Variants in STIP1 observed in about 807,000 individuals in gnomAD.
The protein encoded by STIP1 is stress induced phosphoprotein 1.
A neutral mutation model predicts 77.4 loss-of-function variants in STIP1; 16 were observed. The ratio of observed to expected loss-of-function variants is 0.21; its 90% CI spans 0.14 to 0.31. The LOEUF is 0.31. Among genes scored for constraint, STIP1 ranks in the 10% least tolerant of loss-of-function variants. The pLI, the probability that STIP1 is intolerant of heterozygous loss-of-function variation, is 1.00. For synonymous variants in STIP1, 258 were observed against 246.6 expected (o/e 1.05, Z -0.44); for missense variants, 524 against 684.8 (o/e 0.77, Z 2.62).
chr11:64,195,407 T>C (rs1293764500), intron 4 of STIP1, among the ~76,000 whole-genome samples: 1 of 152,150 alleles, frequency 6.6e-6, no homozygotes, highest in Non-Finnish European at 1.5e-5. Flanking sequence ...TGAGCCACCG[T>C]GCTCCGCTAT....
At chr11:64,193,349 G>C in intron 2 of STIP1, 62 bp downstream of exon 2, 1 of 1,528,288 alleles carries the variant, frequency 6.5e-7, no homozygotes, top group East Asian at 2.3e-5. Context: ...GCCTTTTGGT[G>C]GCCTGAGGTT....
At chr11:64,193,994 G>A (rs1946120110) in intron 2 of STIP1, among the ~76,000 whole-genome samples, 195 bp from the exon 3 acceptor site, 1 of 152,238 alleles carries the variant, frequency 6.6e-6, no homozygotes, top group Admixed American at 6.5e-5. Context: ...CGGGGCGGAT[G>A]TGCCTCTGCT....
At chr11:64,197,192 G>T in intron 5 of STIP1, 79 bp from the exon 6 acceptor site, 1 of 1,580,884 alleles carries the variant, frequency 6.3e-7, no homozygotes, top group South Asian at 1.1e-5. Context: ...TTGCATTTCA[G>T]AACTTGTGAC....
chr11:64,200,393 A>C, intron 10 of STIP1, 100 bp downstream of exon 10: 1 of 1,510,968 alleles, frequency 6.6e-7, no homozygotes. Flanking sequence ...GATGATCATG[A>C]TGTTTGAGAC....
At chr11:64,195,614 A>G (rs1422210255) in intron 4 of STIP1, 31 bp from the exon 5 acceptor site, 15 of 1,534,874 alleles carry the variant, frequency 9.8e-6, no homozygotes, top group Non-Finnish European at 1.3e-5. Context: ...AGTAATTACA[A>G]TTTTTCTTTA....
chr11:64,199,625 C>T (rs1289461323), intron 8 of STIP1, among the ~76,000 whole-genome samples: 4 of 146,228 alleles, frequency 2.7e-5, no homozygotes, highest in South Asian at 2.2e-4. Context: ...TGCAGTGGCG[C>T]GATCTCGGCT....
intron 1 of STIP1, among the ~76,000 whole-genome samples, chr11:64,186,808 G>A (rs1946026704): frequency 6.6e-6 from 1 of 152,218 alleles, no homozygotes; most frequent in East Asian, 1.9e-4. Context: ...TGCAGTTGGG[G>A]CAAATGTTAC....
chr11:64,186,365 GAGACC>G, intron 1 of STIP1, 95 bp downstream of exon 1: 1 of 1,228,976 alleles, frequency 8.1e-7, no homozygotes, highest in Non-Finnish European at 1.1e-6. Context: ...CCGGATCCAG[GAGACC>G]GGAGCTCGGC....
At chr11:64,202,768 G>C in intron 10 of STIP1, 108 bp from the exon 11 acceptor site, 1 of 1,251,110 alleles carries the variant, frequency 8.0e-7, no homozygotes, top group Non-Finnish European at 1.2e-6. Context: ...TGTCCCCTCT[G>C]TTTGGTGCTG....
chr11:64,186,068 G>A (rs1393261080), upstream of STIP1: 1 of 1,547,462 alleles, frequency 6.5e-7, no homozygotes. Context: ...AAGTGGAGAT[G>A]ATGGGCTGGA....
intron 1 of STIP1, among the ~76,000 whole-genome samples, chr11:64,192,283 C>T (rs1318813656): frequency 3.3e-5 from 5 of 152,176 alleles, no homozygotes; most frequent in Non-Finnish European, 7.4e-5. Context: ...CACTGCACTC[C>T]AGCCTGGGTG....
At position 64,200,054 on chromosome 11, in the gene STIP1, G is replaced by A. The variant is rs903394156; in HGVS notation, c.1120+18G>A. Reference sequence around the variant, plus strand: ...TCAGAAAGGTACTGCCTGCAGCTGGGGGATTGGGGGAGCAGTGCTGGGTGT... The same window carrying A: ...TCAGAAAGGTACTGCCTGCAGCTGGAGGATTGGGGGAGCAGTGCTGGGTGT... On this transcript the variant is annotated intron_variant, in intron 9 of 13. Transcript: ENST00000305218. 6.2e-6 allele frequency: 10 copies of A among 1,614,108 alleles called. No homozygotes were observed. The highest frequency in any genetic ancestry group is 1.3e-5 in the African/African-American group (1 of 74,936).
At chr11:64,200,373 T>C (rs990636053) in intron 10 of STIP1, 80 bp downstream of exon 10, 4 of 1,520,792 alleles carry the variant, frequency 2.6e-6, no homozygotes, top group Middle Eastern at 1.8e-4. Flanking sequence ...CTCATCAACA[T>C]TGAGTTGATG....
chr11:64,197,785 T>C, intron 7 of STIP1, 69 bp from the exon 8 acceptor site: 1 of 1,584,214 alleles, frequency 6.3e-7, no homozygotes, highest in Non-Finnish European at 8.6e-7. Context: ...TAGCTGCAGG[T>C]GTGTTTTTCT....
intron 7 of STIP1, 92 bp downstream of exon 7, chr11:64,197,687 C>T: frequency 1.3e-6 from 2 of 1,561,944 alleles, no homozygotes; most frequent in South Asian, 1.1e-5. Context: ...GGCTGCTGGC[C>T]ATAGAATCTG....
Position 64,200,070 on chromosome 11 carries a change from T to G in STIP1, c.1120+34T>G. On this transcript the variant is annotated intron_variant, in intron 9 of 13. Transcript: ENST00000305218. ...TGCAGCTGGGGGATTGGGGGAGCAG[T>G]GCTGGGTGTGCCTCCCGTGCCTGGC... 1.9e-6 allele frequency: 3 copies of G among 1,613,944 alleles called. No homozygotes were observed. The South Asian group carries it at 3.3e-5, about 18-fold the overall frequency.
rs537800669 is a variant in STIP1, at chr11:64,200,533, G to A, written c.1245+240G>A. Among the ~76,000 whole-genome samples the A allele has an allele frequency of 2.0e-5, 3 of 151,442 alleles. No homozygotes were observed. The South Asian group carries it at 6.3e-4, about 32-fold the overall frequency. ...TGCTGTGTTGCCCAGATTTATAGGG[G>A]TGTGTGTGTGTATGTGTGTGTGCGT... On this transcript the variant is annotated intron_variant, in intron 10 of 13. Coordinates refer to ENST00000305218, the MANE Select transcript of STIP1 (RefSeq NM_006819.3).
At chr11:64,199,753 C>A (rs1946194938) in intron 8 of STIP1, among the ~76,000 whole-genome samples, 187 bp from the exon 9 acceptor site, 1 of 151,602 alleles carries the variant, frequency 6.6e-6, no homozygotes, top group African/African-American at 2.4e-5. Flanking sequence ...TTAGTAGAGA[C>A]AGGGTTTCAC....
rs762223676 is a variant in STIP1, at chr11:64,197,285, A to G, written c.687A>G (p.Lys229=). 50 of 1,613,948 alleles carry G rather than the reference A, an allele frequency of 3.1e-5. No individual in the cohort carries two copies. The highest frequency in any genetic ancestry group is 4.2e-5 in the Non-Finnish European group (49 of 1,180,020). The change falls in exon 6 of 14, where the codon AAA becomes AAG. Residue 229 remains lysine (K), a synonymous_variant. Coordinates refer to ENST00000305218, the MANE Select transcript of STIP1 (RefSeq NM_006819.3). ...ACCTCATCTAGGCACTGAAAGAAAA[A>G]GAGCTGGGGAACGATGCCTACAAGA... ...PENKKQALKE[K]ELGNDAYKKK...
Sources: gnomAD v4.1 joint callset for allele counts (sites outside exome capture counted in the v4.1 genomes callset) on GRCh38, gnomAD v4.1.1 for gene constraint, MANE v1.5 for transcripts, NCBI Gene and HGNC (gene_info 2026-07-23, HGNC 2026-07-21) for gene names.